Variants in HERC2 observed in about 807,000 individuals in gnomAD.
The protein encoded by HERC2 is HECT and RLD domain containing E3 ubiquitin protein ligase 2.
A neutral mutation model predicts 537.7 loss-of-function variants in HERC2; 102 were observed. The ratio of observed to expected loss-of-function variants is 0.19; its 90% confidence interval spans 0.16 to 0.22. The LOEUF is 0.22. Among genes scored for constraint, HERC2 ranks in the 10% least tolerant of loss-of-function variants. HERC2 has a pLI of 1.00. For missense variants in HERC2, 4,236 were observed against 6,198.2 expected (o/e 0.68, Z 10.63); for synonymous variants, 2,224 against 2,466.2 (o/e 0.90, Z 2.91).
rs574596314 is a variant in HERC2, at chr15:28,114,538, A to G, written c.13913+74T>C. On this transcript the variant is annotated intron_variant, in intron 90 of 92. Transcript: ENST00000261609. ...ACTGTGTATGACACTCCTGAAAAAC[A>G]CACATGTCCACACAACCACGTTCTG... 260 of 1,359,570 alleles carry G rather than the reference A, an allele frequency of 1.9e-4. No homozygotes were observed. In the African/African-American group the frequency reaches 3.1e-3, roughly 16 times the overall value. 84.2% of individuals were successfully genotyped at this position (1,359,570 alleles called of 1,614,324 possible).
chr15:28,217,965 A>C (rs922654397), intron 38 of HERC2, among the ~76,000 whole-genome samples: 1 of 152,020 alleles, frequency 6.6e-6, no homozygotes, highest in African/African-American at 2.4e-5. Flanking sequence ...CTGAGAGAAC[A>C]AATTTGTTGT....
chr15:28,235,020 C>G (rs1251845539), intron 26 of HERC2, among the ~76,000 whole-genome samples: 1 of 152,050 alleles, frequency 6.6e-6, no homozygotes, highest in Non-Finnish European at 1.5e-5. Flanking sequence ...TCAACCAGTG[C>G]GAACGTTAAT....
At chr15:28,112,489 C>G (rs370450514) in intron 92 of HERC2, among the ~76,000 whole-genome samples, 1 of 152,364 alleles carries the variant, frequency 6.6e-6, no homozygotes, top group South Asian at 2.1e-4. Context: ...CCCTGAAAGA[C>G]GGCCACTTTT....
At chr15:28,238,272 T>C in intron 24 of HERC2, 55 bp from the exon 25 acceptor site, 1 of 1,261,352 alleles carries the variant, frequency 7.9e-7, no homozygotes, top group Non-Finnish European at 1.2e-6. Flanking sequence ...CCTGAAGAGA[T>C]ATAGGAGAAA....
At chr15:28,112,982 C>T in intron 92 of HERC2, 89 bp downstream of exon 92, 2 of 1,035,906 alleles carry the variant, frequency 1.9e-6, no homozygotes, top group Non-Finnish European at 1.4e-6. Flanking sequence ...GGCTCGTTTT[C>T]CATGTGCTGC....
chr15:28,214,147 G>A lies in HERC2; in HGVS notation c.6484C>T (p.Leu2162Phe). The A allele has an allele frequency of 6.2e-7, 1 of 1,613,892 alleles. No individual in the cohort carries two copies. Among genetic ancestry groups the A allele is most frequent in the Non-Finnish European group, 8.5e-7 (1 of 1,179,890 alleles). The change falls in exon 41 of 93, where the codon CTC becomes TTC. Residue 2162 changes from leucine to phenylalanine, a missense_variant. Physicochemically the swap from Leu to Phe is conservative, Grantham distance 22. Around this residue, in one of 27 missense-constraint regions of HERC2, gnomAD observed 365 missense variants for 468.8 expected, o/e 0.78. Coordinates refer to ENST00000261609, the MANE Select transcript of HERC2 (RefSeq NM_004667.6). ...TLHSLTQWNG[L>F]INKYINSQLR... ...TGGGAGTTGATGTACTTGTTGATGA[G>A]CCCATTCCACTGAGTCAGGGAGTGC...
At position 28,135,473 on chromosome 15, in the gene HERC2, C is replaced by T; in HGVS notation, c.12230+5G>A. ...GAATGTTGAAATAATTTTTTCACAT[C>T]ATACCTTCTGTTGCCATGCCCCAAC... On this transcript the variant is annotated splice_donor_5th_base_variant and intron_variant, in intron 79 of 92. Coordinates refer to ENST00000261609, the MANE Select transcript of HERC2 (RefSeq NM_004667.6). The T allele has an allele frequency of 1.2e-6, 2 of 1,608,128 alleles. No homozygotes were observed. The highest frequency in any genetic ancestry group is 1.1e-5 in the South Asian group (1 of 90,864).
chr15:28,269,421 C>T lies in HERC2; in HGVS notation c.1273G>A (p.Val425Ile). ...PTSHKGSLQE[V>I]IGWGLIGWKY... ...CATCCTATTAACCCCCAACCTATGA[C>T]CTCTTGCAATGATCCCTGTAAGATA... Residue 425 changes from valine (V) to isoleucine (I), a missense_variant, in exon 11 of 93, where the codon GTC becomes ATC. Physicochemically the swap from Val to Ile is conservative, Grantham distance 29. Around this residue, in one of 27 missense-constraint regions of HERC2, gnomAD observed 491 missense variants for 559.3 expected, o/e 0.88. Transcript: ENST00000261609. 3 of 1,612,632 alleles carry T rather than the reference C, an allele frequency of 1.9e-6. No homozygotes were observed. Among genetic ancestry groups the T allele is most frequent in the South Asian group, 2.2e-5 (2 of 90,962 alleles).
At chr15:28,155,136 A>G (rs1015589627) in intron 69 of HERC2, among the ~76,000 whole-genome samples, 36 of 152,092 alleles carry the variant, frequency 2.4e-4, no homozygotes, top group African/African-American at 7.2e-4. Flanking sequence ...TGGTGTATAT[A>G]TGCCACATTT....
chr15:28,127,645 G>A (rs967412820), intron 83 of HERC2, among the ~76,000 whole-genome samples: 2 of 152,156 alleles, frequency 1.3e-5, no homozygotes, highest in South Asian at 4.1e-4. Context: ...CTCCACAGAT[G>A]CCAGGGCTCC....
intron 20 of HERC2, among the ~76,000 whole-genome samples, chr15:28,250,942 T>G (rs1635173): frequency 6.6e-6 from 1 of 152,256 alleles, no homozygotes; most frequent in East Asian, 1.9e-4. Context: ...TCTATTCTTT[T>G]TATTTTGTAT....
intron 68 of HERC2, among the ~76,000 whole-genome samples, chr15:28,163,762 C>A (rs183262458): frequency 4.9e-4 from 74 of 152,328 alleles, no homozygotes; most frequent in African/African-American, 1.7e-3. Context: ...CATTAACACA[C>A]TATCCAGTCT....
Position 28,159,707 on chromosome 15 carries a change from C to T in HERC2, c.10746+3387G>A, listed in dbSNP as rs150129817. On this transcript the variant is annotated intron_variant, in intron 69 of 92. Coordinates refer to ENST00000261609, the MANE Select transcript of HERC2 (RefSeq NM_004667.6). ...CTCCTTTAGCTCGGAGAAGTTTGAT[C>T]GTCTGAAGCCTTCCTCTCTCAGCTC... Among the ~76,000 whole-genome samples, 758 of 152,294 alleles carry T rather than the reference C, an allele frequency of 5.0e-3. 13 individuals carry two copies. The highest frequency in any genetic ancestry group is 0.037 in the Admixed American group (567 of 15,306).
chr15:28,171,289 G>A (rs1435017337), intron 65 of HERC2, among the ~76,000 whole-genome samples: 3 of 152,194 alleles, frequency 2.0e-5, no homozygotes, highest in East Asian at 3.9e-4. Context: ...TATGTAATAT[G>A]TAACAACTTG....
In HERC2 at chr15:28,130,221, C is replaced by T. The variant is rs761704767; in HGVS notation, c.12744G>A (p.Gly4248=). Residue 4248 remains glycine, a synonymous_variant, in exon 83 of 93, where the codon GGG becomes GGA. Transcript: ENST00000261609. Reference sequence around the variant, plus strand: ...CAGTGGCGATGGCGATGACTTTCTTCCCCTGCAACCCTTGGACCTGCCGAG... The same window carrying T: ...CAGTGGCGATGGCGATGACTTTCTTTCCCTGCAACCCTTGGACCTGCCGAG... The part of the protein sequence containing the change: ...RRPRQVQGLQ[G]KKVIAIATGS... The T allele has an allele frequency of 6.2e-7, 1 of 1,614,208 alleles. No individual in the cohort carries two copies. Among genetic ancestry groups the T allele is most frequent in the Non-Finnish European group, 8.5e-7 (1 of 1,180,038 alleles).
intron 14 of HERC2, among the ~76,000 whole-genome samples, chr15:28,264,948 ATTT>A (rs1485165621): frequency 6.6e-6 from 1 of 152,058 alleles, no homozygotes; most frequent in Non-Finnish European, 1.5e-5. Context: ...ATCTAAAATG[ATTT>A]TTCATCTTTC....
intron 2 of HERC2, among the ~76,000 whole-genome samples, chr15:28,309,245 T>C (rs974189339): frequency 6.6e-6 from 1 of 152,268 alleles, no homozygotes; most frequent in South Asian, 2.1e-4. Context: ...ATCTGTCCAA[T>C]GCTGAAAGTG....
chr15:28,314,130 G>A (rs1035737028), intron 2 of HERC2, among the ~76,000 whole-genome samples: 9 of 151,910 alleles, frequency 5.9e-5, no homozygotes, highest in Admixed American at 3.9e-4. Context: ...CCAGAGCCTC[G>A]ACTTATTGCT....
intron 4 of HERC2, among the ~76,000 whole-genome samples, chr15:28,285,405 CCTAA>C (rs1274852472): frequency 6.6e-6 from 1 of 152,046 alleles, no homozygotes; most frequent in Non-Finnish European, 1.5e-5. Context: ...AGGAAAATTG[CCTAA>C]CTCTCAGAAA....
Sources: allele counts gnomAD v4.1 joint callset (sites outside exome capture counted in the v4.1 genomes callset), GRCh38; gene constraint gnomAD v4.1.1; regional missense constraint gnomAD v4.1.1; transcripts MANE v1.5; gene names NCBI Gene and HGNC (gene_info 2026-07-23, HGNC 2026-07-21).